The following FNDC1 variants were observed in gnomAD, a reference collection of about 807,000 sequenced individuals.
FNDC1 encodes fibronectin type III domain-containing protein 1.
A neutral mutation model predicts 168.0 loss-of-function variants in FNDC1; 96 were observed. That is an observed-to-expected ratio of 0.57 (90% CI 0.48 to 0.68). The LOEUF (loss-of-function observed/expected upper bound fraction) is 0.68, where lower values mean the gene tolerates loss of function less well. Ranked by LOEUF, FNDC1 falls within the 30% of genes least tolerant of loss-of-function variation. The pLI, the probability that FNDC1 is intolerant of heterozygous loss-of-function variation, is 0.00. For synonymous variants in FNDC1, 1,099 were observed against 1,025.9 expected (o/e 1.07, Z -1.36); for missense variants, 2,587 against 2,482.1 (o/e 1.04, Z -0.90).
chr6:159,269,560 A>C (rs1037748615), intron 22 of FNDC1, among the ~76,000 whole-genome samples: 24 of 149,434 alleles, frequency 1.6e-4, no homozygotes, highest in Non-Finnish European at 3.3e-4. Flanking sequence ...CCATCCATCC[A>C]TCCATCCATC....
intron 14 of FNDC1, among the ~76,000 whole-genome samples, chr6:159,242,868 A>G (rs984270114): frequency 5.3e-5 from 8 of 152,236 alleles, no homozygotes; most frequent in African/African-American, 1.9e-4. Context: ...AGAATACATC[A>G]GTACTTCATT....
At chr6:159,208,810 T>A (rs1012082280) in intron 4 of FNDC1, among the ~76,000 whole-genome samples, 1 of 152,144 alleles carries the variant, frequency 6.6e-6, no homozygotes, top group African/African-American at 2.4e-5. Flanking sequence ...AGGGAGAATT[T>A]TCCTGATGGC....
At chr6:159,189,914 C>T (rs452651) in intron 1 of FNDC1, among the ~76,000 whole-genome samples, 49,972 of 152,026 alleles carry the variant, frequency 0.33, 11,055 homozygotes, top group East Asian at 0.62. Context: ...CTGGGCTCTT[C>T]TGGATAGCAT....
intron 7 of FNDC1, among the ~76,000 whole-genome samples, chr6:159,224,063 T>C (rs1282008925): frequency 5.9e-5 from 9 of 152,240 alleles, no homozygotes; most frequent in Admixed American, 5.9e-4. Flanking sequence ...AGATGGACTT[T>C]ATGTAGAGTG....
intron 2 of FNDC1, among the ~76,000 whole-genome samples, chr6:159,199,528 C>T (rs1486207843): frequency 6.6e-6 from 1 of 152,116 alleles, no homozygotes; most frequent in Non-Finnish European, 1.5e-5. Flanking sequence ...TGAAGATTTC[C>T]CATGTGCTAC....
At chr6:159,246,999 C>T (rs758653952) in intron 15 of FNDC1, 30 bp downstream of exon 15, 2 of 1,426,686 alleles carry the variant, frequency 1.4e-6, no homozygotes, top group Admixed American at 3.3e-5. Flanking sequence ...AAATTATTTG[C>T]ACACTTTCTT....
chr6:159,195,333 C>T (rs1034195062), intron 1 of FNDC1, among the ~76,000 whole-genome samples: 3 of 149,980 alleles, frequency 2.0e-5, no homozygotes, highest in Non-Finnish European at 4.4e-5. Context: ...GATGAGGATG[C>T]GCAGCCCAAG....
At chr6:159,227,754 GGAA>G (rs1173372319) in intron 9 of FNDC1, among the ~76,000 whole-genome samples, 1 of 151,398 alleles carries the variant, frequency 6.6e-6, no homozygotes, top group Non-Finnish European at 1.5e-5. Context: ...GGGCCACATT[GGAA>G]GAAGAATTGT....
chr6:159,262,935 T>TA (rs1777515775), intron 19 of FNDC1, among the ~76,000 whole-genome samples: 1 of 152,248 alleles, frequency 6.6e-6, no homozygotes, highest in South Asian at 2.1e-4. Flanking sequence ...AAGTTTCTCC[T>TA]TCATTTTGTG....
intron 1 of FNDC1, among the ~76,000 whole-genome samples, chr6:159,190,480 AT>A (rs1182205327): frequency 6.6e-6 from 1 of 152,108 alleles, no homozygotes; most frequent in Non-Finnish European, 1.5e-5. Context: ...GTGGGAATTC[AT>A]GGGGTGAGGT....
At chr6:159,238,524 T>C in intron 12 of FNDC1, 30 bp from the exon 13 acceptor site, 1 of 1,484,478 alleles carries the variant, frequency 6.7e-7, no homozygotes, top group Non-Finnish European at 9.3e-7. Flanking sequence ...AAATGTCCAA[T>C]ATATTCTTTA....
intron 1 of FNDC1, among the ~76,000 whole-genome samples, chr6:159,182,126 A>G (rs1781893157): frequency 6.6e-6 from 1 of 152,200 alleles, no homozygotes; most frequent in African/African-American, 2.4e-5. Context: ...TTATTTTCAC[A>G]GCTGCATCAT....
At position 159,169,747 on chromosome 6, in the gene FNDC1, G is replaced by A. The variant is rs193207381; in HGVS notation, c.109+42G>A. Reference sequence around the variant, plus strand: ...GGCCCCCGGCGCTCCTCAGCTCCCCGCGCACCCTCCTGCGCTCGGGCCCCG... The same window carrying A: ...GGCCCCCGGCGCTCCTCAGCTCCCCACGCACCCTCCTGCGCTCGGGCCCCG... On this transcript the variant is annotated intron_variant, in intron 1 of 22. Coordinates refer to ENST00000297267, the MANE Select transcript of FNDC1 (RefSeq NM_032532.3). The surrounding 1 kb of genome is among the most constrained non-coding windows in gnomAD (Gnocchi z 6.8). 2,300 of 835,206 alleles carry A rather than the reference G, an allele frequency of 2.8e-3. 49 individuals are homozygous for A. In the African/African-American group the frequency reaches 0.037, roughly 13 times the overall value. 51.7% of individuals were successfully genotyped at this position (835,206 alleles called of 1,614,324 possible).
At chr6:159,258,324 C>A (rs1455916738) in intron 18 of FNDC1, among the ~76,000 whole-genome samples, 1 of 152,052 alleles carries the variant, frequency 6.6e-6, no homozygotes, top group Non-Finnish European at 1.5e-5. Flanking sequence ...ATAAACCTCC[C>A]CTGGTGGGTG....
At chr6:159,181,838 C>T (rs1422406836) in intron 1 of FNDC1, among the ~76,000 whole-genome samples, 2 of 152,150 alleles carry the variant, frequency 1.3e-5, no homozygotes, top group Non-Finnish European at 2.9e-5. Context: ...CAGTCTTGTT[C>T]TACCACAGAC....
intron 5 of FNDC1, among the ~76,000 whole-genome samples, chr6:159,215,398 A>G (rs1285053346): frequency 6.6e-6 from 1 of 152,234 alleles, no homozygotes; most frequent in Non-Finnish European, 1.5e-5. Context: ...CCGACAGCAC[A>G]GACTCCTTGA....
intron 4 of FNDC1, 104 bp from the exon 5 acceptor site, chr6:159,214,841 C>T: frequency 1.1e-6 from 1 of 915,962 alleles, no homozygotes. Context: ...GTTTGAAGCT[C>T]AGCAGCTAAT....
At position 159,225,587 on chromosome 6, in the gene FNDC1, A is replaced by G; in HGVS notation, c.937A>G (p.Lys313Glu). The change falls in exon 8 of 23, where the codon AAG (lysine) becomes GAG (glutamate). Residue 313 changes from lysine to glutamate, a missense_variant. Physicochemically the swap from Lys to Glu is moderately conservative, Grantham distance 56. Transcript: ENST00000297267. ...GGGGGAATTGGCCAGGTGGGATTAT[A>G]AGCAGATCGCTAACAGGCGTGTGCT... The part of the protein sequence containing the change: ...EKGELARWDY[K>E]QIANRRVLIE... 5 of 1,613,930 alleles carry G rather than the reference A, an allele frequency of 3.1e-6. No individual in the cohort carries two copies. Among genetic ancestry groups the G allele is most frequent in the Non-Finnish European group, 4.2e-6 (5 of 1,179,872 alleles).
Position 159,239,527 on chromosome 6 carries a change from G to A in FNDC1, c.4191G>A (p.Gly1397=). ...TTGATTTTGTTTCAGATCTGGAAGGGACCCCCGTGGTGAGTCCTGACGGCC... is the reference window on the plus strand; with the variant it reads ...TTGATTTTGTTTCAGATCTGGAAGGAACCCCCGTGGTGAGTCCTGACGGCC... ...GDGRTIVDLE[G]TPVVSPDGLP... is the part of the protein sequence containing the mutation. Residue 1397 remains glycine (G), a synonymous_variant, in exon 14 of 23, where the codon GGG becomes GGA. Transcript: ENST00000297267. 1 of 1,589,482 alleles carries A rather than the reference G, an allele frequency of 6.3e-7. No homozygotes were observed. Among genetic ancestry groups the A allele is most frequent in the East Asian group, 2.3e-5 (1 of 44,414 alleles).
Sources: gnomAD v4.1 joint callset for allele counts (sites outside exome capture counted in the v4.1 genomes callset) on GRCh38, gnomAD v4.1.1 for gene constraint, Gnocchi (gnomAD v3.1) non-coding constraint, MANE v1.5 for transcripts, NCBI Gene and HGNC (gene_info 2026-07-23, HGNC 2026-07-21) for gene names.